The following RBM39 variants were observed in gnomAD, a reference collection of about 807,000 sequenced individuals.
RBM39 encodes the protein RNA-binding protein 39.
A neutral mutation model predicts 79.6 loss-of-function variants in RBM39; 12 were observed. The observed-to-expected ratio is 0.15, with a 90% CI of 0.10 to 0.24. RBM39 has a LOEUF of 0.24. Among genes scored for constraint, RBM39 ranks in the 10% least tolerant of loss-of-function variants. The pLI, the probability that RBM39 is intolerant of heterozygous loss-of-function variation, is 1.00. For missense variants in RBM39, 243 were observed against 653.4 expected, an observed-to-expected ratio of 0.37 and a Z score of 6.85; for synonymous variants, 185 against 208.4, an observed-to-expected ratio of 0.89 and a Z score of 0.97.
At chr20:35,719,876 G>A (rs1303746068) in intron 9 of RBM39, among the ~76,000 whole-genome samples, 4 of 151,730 alleles carry the variant, frequency 2.6e-5, no homozygotes, top group Non-Finnish European at 4.4e-5. Context: ...TCTGCCACCC[G>A]GGTTCAAGTG....
intron 6 of RBM39, among the ~76,000 whole-genome samples, chr20:35,726,808 C>T (rs1179216920): frequency 1.3e-5 from 2 of 152,090 alleles, no homozygotes; most frequent in African/African-American, 4.8e-5. Context: ...GGTCGCTCCA[C>T]CTGTAAGATT....
chr20:35,717,085 G>T, intron 9 of RBM39, among the ~76,000 whole-genome samples: 1 of 152,086 alleles, frequency 6.6e-6, no homozygotes, highest in Admixed American at 6.6e-5. Flanking sequence ...TTTGGGACCA[G>T]CCTGGCCAAC....
At chr20:35,721,997 G>C in intron 8 of RBM39, 120 bp from the exon 9 acceptor site, 3 of 1,131,748 alleles carry the variant, frequency 2.7e-6, no homozygotes, top group Non-Finnish European at 3.8e-6. Flanking sequence ...CCCTACGTAA[G>C]TCAGATACTA....
chr20:35,718,813 CAAA>C (rs555136304), intron 9 of RBM39, among the ~76,000 whole-genome samples: 4 of 37,880 alleles, frequency 1.1e-4, no homozygotes, highest in African/African-American at 3.0e-4. Context: ...TACTCCATCT[CAAA>C]AAAAAAAAAA....
At chr20:35,716,515 A>C (rs1225324311) in intron 10 of RBM39, among the ~76,000 whole-genome samples, 1 of 152,130 alleles carries the variant, frequency 6.6e-6, no homozygotes, top group African/African-American at 2.4e-5. Flanking sequence ...TTTCACATTC[A>C]TGTGTGAGCT....
chr20:35,739,239 C>T (rs2040285870), intron 2 of RBM39: 4 of 566,944 alleles, frequency 7.1e-6, no homozygotes, highest in Non-Finnish European at 6.3e-6. Flanking sequence ...AAAAAATTTT[C>T]CATATTAACA....
chr20:35,730,154 T>G (rs1244919591), intron 4 of RBM39, among the ~76,000 whole-genome samples: 1 of 152,204 alleles, frequency 6.6e-6, no homozygotes, highest in African/African-American at 2.4e-5. Context: ...TATTCCATCG[T>G]GAACATGTGA....
intron 14 of RBM39, 69 bp downstream of exon 14, chr20:35,707,051 A>AAAAAT: frequency 1.5e-6 from 1 of 653,390 alleles, no homozygotes; most frequent in Non-Finnish European, 2.3e-6. Flanking sequence ...AAAAAAAAAA[A>AAAAAT]GAGAAATATA....
chr20:35,733,723 G>C (rs1201059810), intron 3 of RBM39, among the ~76,000 whole-genome samples: 1 of 152,130 alleles, frequency 6.6e-6, no homozygotes, highest in Non-Finnish European at 1.5e-5. Context: ...CCAGAAAATG[G>C]AGTATGCCAT....
intron 9 of RBM39, among the ~76,000 whole-genome samples, chr20:35,720,604 TAAAA>T (rs61224365): frequency 7.6e-6 from 1 of 130,960 alleles, no homozygotes; most frequent in Non-Finnish European, 1.6e-5. Context: ...GCCCTGTCTC[TAAAA>T]AAAAAAAAAA....
At chr20:35,734,081 T>C (rs2039656391) in intron 3 of RBM39, 1 of 415,076 alleles carries the variant, frequency 2.4e-6, no homozygotes, top group African/African-American at 2.1e-5. Context: ...TTATTCCTTA[T>C]CAAAGCAAAG....
intron 10 of RBM39, among the ~76,000 whole-genome samples, chr20:35,715,014 C>T (rs887789304): frequency 7.2e-5 from 11 of 152,266 alleles, no homozygotes; most frequent in African/African-American, 2.6e-4. Flanking sequence ...AGTTCATTGA[C>T]GTACGTAACA....
At chr20:35,735,975 A>G (rs2039862774) in intron 3 of RBM39, among the ~76,000 whole-genome samples, 1 of 152,202 alleles carries the variant, frequency 6.6e-6, no homozygotes, top group African/African-American at 2.4e-5. Context: ...ACAGGATAAA[A>G]ACAAGTAGAC....
In RBM39 at chr20:35,742,050, G is replaced by A; in HGVS notation, c.-123C>T. ...TCTGTTGCTACTGTTAAGCCCCTAG[G>A]CCCAGGCCGCGGAACCGCCCAGCCC... is the stretch of plus-strand genomic sequence containing the variant. On this transcript the variant is annotated 5_prime_UTR_variant, in exon 1 of 17. Coordinates refer to ENST00000253363, the MANE Select transcript of RBM39 (RefSeq NM_184234.3). The A allele has an allele frequency of 4.9e-6, 1 of 204,568 alleles. No homozygotes were observed. The highest frequency in any genetic ancestry group is 1.0e-5 in the Non-Finnish European group (1 of 98,258). 12.7% of individuals were successfully genotyped at this position (204,568 alleles called of 1,614,324 possible). A position where few individuals can be genotyped will look rare whatever the true frequency, so the allele number is the denominator to read the frequency against.
At chr20:35,725,880 T>C (rs2146638462) in intron 6 of RBM39, among the ~76,000 whole-genome samples, 1 of 151,972 alleles carries the variant, frequency 6.6e-6, no homozygotes, top group East Asian at 1.9e-4. Flanking sequence ...GCCAGGCTGG[T>C]CTCCAACTTT....
rs779766116 is a variant in RBM39 at position 35,721,894 on chromosome 20, A to T, written c.688-17T>A. Reference sequence around the variant, plus strand: ...TTTTTCTGCCTAGAAGACAAAATACACGTCACACAGAGATAACACACAGCA... The same window carrying T: ...TTTTTCTGCCTAGAAGACAAAATACTCGTCACACAGAGATAACACACAGCA... On this transcript the variant is annotated splice_polypyrimidine_tract_variant and intron_variant, in intron 8 of 16. Transcript: ENST00000253363. 2 of 1,611,044 alleles carry T rather than the reference A, an allele frequency of 1.2e-6. No homozygotes were observed. The highest frequency in any genetic ancestry group is 1.7e-6 in the Non-Finnish European group (2 of 1,177,394).
chr20:35,701,766 A>T lies in RBM39; in HGVS notation c.*2715T>A, dbSNP rs1227916721. On this transcript the variant is annotated 3_prime_UTR_variant, in exon 17 of 17. Coordinates refer to ENST00000253363, the MANE Select transcript of RBM39 (RefSeq NM_184234.3). ...GAGACTCTGTCTCAAAACAAAAAAA[A>T]TTTGTATTCTTAGTAGAGACGGGGT... The T allele has an allele frequency of 6.6e-6, 1 of 151,820 alleles. No individual in the cohort carries two copies. Among genetic ancestry groups the T allele is most frequent in the Non-Finnish European group, 1.5e-5 (1 of 67,994 alleles). The allele number at this position is 151,820 out of a possible 1,614,324, so 9.4% of individuals were successfully genotyped here.
At chr20:35,730,766 G>C (rs1055076093) in intron 4 of RBM39, among the ~76,000 whole-genome samples, 1 of 151,976 alleles carries the variant, frequency 6.6e-6, no homozygotes, top group Non-Finnish European at 1.5e-5. Context: ...TCAGAATCTT[G>C]ATAAATGGGA....
Position 35,702,327 on chromosome 20 carries a change from T to TA in RBM39, c.*2153dup, listed in dbSNP as rs1187705196. ...TGCTGACTCAGGAACTGATTGGACATAAACAGTTTCACTCAGAATGAGCTG... is the reference window on the plus strand; with the variant it reads ...TGCTGACTCAGGAACTGATTGGACATAAAACAGTTTCACTCAGAATGAGCTG... On this transcript the variant is annotated 3_prime_UTR_variant, in exon 17 of 17. Coordinates refer to ENST00000253363, the MANE Select transcript of RBM39 (RefSeq NM_184234.3). 6.6e-6 allele frequency: 1 copy of TA among 152,244 alleles called. No homozygotes were observed. Among genetic ancestry groups the TA allele is most frequent in the Non-Finnish European group, 1.5e-5 (1 of 68,046 alleles). The allele number at this position is 152,244 out of a possible 1,614,324, so 9.4% of individuals were successfully genotyped here.
Sources: allele counts gnomAD v4.1 joint callset (sites outside exome capture counted in the v4.1 genomes callset), GRCh38; gene constraint gnomAD v4.1.1; transcripts MANE v1.5; gene names NCBI Gene and HGNC (gene_info 2026-07-23, HGNC 2026-07-21).